Variants in HOMER2 observed in about 807,000 individuals in gnomAD.
HOMER2 encodes the protein homer scaffold protein 2.
A neutral mutation model predicts 47.0 loss-of-function variants in HOMER2; 27 were observed. That is an observed-to-expected ratio of 0.57 (90% confidence interval 0.42 to 0.79). The LOEUF (loss-of-function observed/expected upper bound fraction) is 0.79. Among genes scored for constraint, HOMER2 ranks in the 30% least tolerant of loss-of-function variants. HOMER2 has a pLI of 0.00. For missense variants in HOMER2, 443 were observed against 435.0 expected (o/e 1.02, Z -0.16); for synonymous variants, 161 against 163.8 (o/e 0.98, Z 0.13).
In HOMER2 at chr15:82,854,243, A is replaced by G. The variant is rs537099278; in HGVS notation, c.651+401T>C. 6.6e-5 allele frequency among the ~76,000 whole-genome samples: 10 copies of G among 152,208 alleles called. No individual in the cohort carries two copies. The East Asian group carries it at 1.2e-3, about 18-fold the overall frequency. On this transcript the variant is annotated intron_variant, in intron 6 of 8. Transcript: ENST00000450735. ...AACTTGGTGAAACCCTGTCTCTACTAAAAATACAAAAATTAGCCAGGCATG... is the reference window on the plus strand; with the variant it reads ...AACTTGGTGAAACCCTGTCTCTACTGAAAATACAAAAATTAGCCAGGCATG...
upstream of HOMER2, among the ~76,000 whole-genome samples, chr15:82,953,625 G>C (rs1035662539): frequency 6.6e-6 from 1 of 152,184 alleles, no homozygotes; most frequent in Non-Finnish European, 1.5e-5. Context: ...TGTAATCCCA[G>C]CACTTTGGGA....
chr15:82,904,605 ACTATC>A (rs2053233628), intron 1 of HOMER2, among the ~76,000 whole-genome samples: 1 of 152,220 alleles, frequency 6.6e-6, no homozygotes, highest in Admixed American at 6.5e-5. Flanking sequence ...CAGCTGGGGT[ACTATC>A]AGCACCCAAC....
At chr15:82,985,226 T>G (rs1440112862) in intron 1 of HOMER2, among the ~76,000 whole-genome samples, 4 of 152,064 alleles carry the variant, frequency 2.6e-5, no homozygotes, top group Non-Finnish European at 4.4e-5. Context: ...ATAAAAAAAG[T>G]TTTGAATCCA....
chr15:82,849,690 G>A lies in HOMER2; in HGVS notation c.*25C>T. 1.9e-6 allele frequency: 3 copies of A among 1,602,850 alleles called. No individual in the cohort carries two copies. Among genetic ancestry groups the A allele is most frequent in the Non-Finnish European group, 2.6e-6 (3 of 1,174,472 alleles). On this transcript the variant is annotated 3_prime_UTR_variant, in exon 9 of 9. Transcript: ENST00000450735. The stretch of plus-strand genomic sequence containing the variant: ...CTCGCACACACGCTTGGGACTCACG[G>A]GCGGGGCCTGGGCCTCGGCCAGCCC...
At chr15:82,923,273 G>A (rs911546762) in intron 1 of HOMER2, among the ~76,000 whole-genome samples, 2 of 151,994 alleles carry the variant, frequency 1.3e-5, no homozygotes, top group Admixed American at 6.6e-5. Flanking sequence ...ATCACCTGAC[G>A]TCAGGAGTTC....
intron 1 of HOMER2, among the ~76,000 whole-genome samples, chr15:82,924,842 T>C (rs76549317): frequency 0.031 from 4,676 of 152,296 alleles, 231 homozygotes; most frequent in African/African-American, 0.11. Context: ...TTAAGTAACT[T>C]GTCCAAAGCC....
chr15:82,912,986 A>C (rs555024427), intron 1 of HOMER2, among the ~76,000 whole-genome samples: 7 of 152,366 alleles, frequency 4.6e-5, no homozygotes, highest in Admixed American at 4.6e-4. Flanking sequence ...TTTTATTAAC[A>C]GGAAAATTTT....
upstream of HOMER2, chr15:82,985,995 G>T: frequency 1.2e-6 from 1 of 859,160 alleles, no homozygotes; most frequent in Non-Finnish European, 1.4e-6. Flanking sequence ...TTAATAGACG[G>T]CGACGTTTTC....
rs372825300 is a variant in HOMER2, at chr15:82,849,780, C to A, written c.967G>T (p.Asp323Tyr). The stretch of plus-strand genomic sequence containing the variant: ...TCATGCAGGTCGTCAATCTTCCCGT[C>A]CAGCACCTCCAGGAAGCTCTTCAAC... ...VELKSFLEVLDGKIDDLHDFR... is the reference protein window; with the variant it reads ...VELKSFLEVLYGKIDDLHDFR... Residue 323 changes from aspartate (D) to tyrosine (Y), a missense_variant, in exon 9 of 9, where the codon GAC (aspartate) becomes TAC (tyrosine). Physicochemically the swap from Asp to Tyr is radical, Grantham distance 160 (BLOSUM62 -3). Coordinates refer to ENST00000450735, the MANE Select transcript of HOMER2 (RefSeq NM_004839.4). The A allele has an allele frequency of 6.2e-7, 1 of 1,613,974 alleles. No homozygotes were observed. The highest frequency in any genetic ancestry group is 1.1e-5 in the South Asian group (1 of 91,080).
At chr15:82,952,943 G>A (rs2151243817), upstream of HOMER2, among the ~76,000 whole-genome samples, 1 of 152,200 alleles carries the variant, frequency 6.6e-6, no homozygotes, top group African/African-American at 2.4e-5. Flanking sequence ...GCGTTGGCGC[G>A]CCCCCGCCCC....
chr15:82,936,026 T>C (rs566861835), intron 1 of HOMER2, among the ~76,000 whole-genome samples: 1 of 152,312 alleles, frequency 6.6e-6, no homozygotes, highest in Non-Finnish European at 1.5e-5. Flanking sequence ...CTCAGCTCAA[T>C]TTCGTCCTCG....
rs529131029 is a variant in HOMER2 at position 82,910,081 on chromosome 15, T to A, written c.6-17240A>T. On this transcript the variant is annotated intron_variant, in intron 1 of 8. Coordinates refer to ENST00000450735, the MANE Select transcript of HOMER2 (RefSeq NM_004839.4). The stretch of plus-strand genomic sequence containing the variant: ...CTGGGAGGTAGAAGTTGCAGTAAGC[T>A]GAGATCATGCTACTGCACTCCAGCC... Among the ~76,000 whole-genome samples, 1,024 of 129,784 alleles carry A rather than the reference T, an allele frequency of 7.9e-3. 11 individuals are homozygous for A. Among genetic ancestry groups the A allele is most frequent in the African/African-American group, 0.029 (967 of 33,048 alleles). 85.1% of individuals were successfully genotyped at this position (129,784 alleles called of 152,430 possible). A position where few individuals can be genotyped will look rare whatever the true frequency, so the allele number is the denominator to read the frequency against.
chr15:82,852,096 G>T, intron 7 of HOMER2, 46 bp downstream of exon 7: 2 of 1,402,810 alleles, frequency 1.4e-6, no homozygotes, highest in Non-Finnish European at 2.0e-6. Context: ...CACCCCGCAA[G>T]GCCAAGAGGA....
At position 82,951,194 on chromosome 15, in the gene HOMER2, A is replaced by C. The variant is rs552356513; in HGVS notation, c.5+1337T>G. 6.6e-5 allele frequency among the ~76,000 whole-genome samples: 10 copies of C among 152,236 alleles called. No individual in the cohort carries two copies. In the South Asian group the frequency reaches 1.0e-3, roughly 16 times the overall value. ...ATCACCCACAGTTGCTGTTCATGTG[A>C]AATCTCCTAAATGTAAGCACACTTC... is the stretch of plus-strand genomic sequence containing the variant. On this transcript the variant is annotated intron_variant, in intron 1 of 8. Coordinates refer to ENST00000450735, the MANE Select transcript of HOMER2 (RefSeq NM_004839.4).
intron 3 of HOMER2, among the ~76,000 whole-genome samples, chr15:82,869,500 C>T (rs1344348851): frequency 8.6e-6 from 1 of 116,556 alleles, no homozygotes; most frequent in Non-Finnish European, 1.6e-5. Context: ...ACTCTGTTAC[C>T]CAGGCTGGAG....
At chr15:82,931,537 A>C (rs2054010362) in intron 1 of HOMER2, among the ~76,000 whole-genome samples, 1 of 128,020 alleles carries the variant, frequency 7.8e-6, no homozygotes. Flanking sequence ...TGCCTGCTTT[A>C]AAAAAAAAAA....
At chr15:82,908,127 G>A (rs1031684060) in intron 1 of HOMER2, among the ~76,000 whole-genome samples, 2 of 134,562 alleles carry the variant, frequency 1.5e-5, no homozygotes, top group South Asian at 5.1e-4. Flanking sequence ...GGGAGTGACT[G>A]CTAATGGATT....
chr15:82,907,271 C>T (rs572920139), intron 1 of HOMER2, among the ~76,000 whole-genome samples: 32 of 152,102 alleles, frequency 2.1e-4, no homozygotes, highest in South Asian at 2.1e-3. Context: ...GCATGAGAAT[C>T]GCTTCAACCC....
intron 1 of HOMER2, among the ~76,000 whole-genome samples, chr15:82,900,689 C>T (rs922171278): frequency 4.6e-5 from 7 of 152,128 alleles, no homozygotes; most frequent in Non-Finnish European, 1.0e-4. Context: ...CAGTATTGCT[C>T]ATTAGTGGAG....
Sources: allele counts gnomAD v4.1 joint callset (sites outside exome capture counted in the v4.1 genomes callset), GRCh38; gene constraint gnomAD v4.1.1; transcripts MANE v1.5; gene names NCBI Gene and HGNC (gene_info 2026-07-23, HGNC 2026-07-21).